RTEL1: variants seen among roughly 807,000 people sequenced by gnomAD.
RTEL1 encodes regulator of telomere length.
In RTEL1, 86 loss-of-function variants were observed where a neutral mutation model predicts 162.2. That is an observed-to-expected ratio of 0.53 (90% confidence interval 0.45 to 0.63). RTEL1 has a LOEUF of 0.63. RTEL1 is among the 30% of genes least tolerant of loss of function. RTEL1 has a pLI of 0.00. For synonymous variants in RTEL1, 958 were observed against 717.9 expected (o/e 1.33, Z -5.35); for missense variants, 1,941 against 1,750.2 (o/e 1.11, Z -1.95).
chr20:63,693,120 G>T (rs1438526587), intron 29 of RTEL1, 23 bp from the exon 30 acceptor site: 5 of 1,612,114 alleles, frequency 3.1e-6, no homozygotes, highest in Non-Finnish European at 4.2e-6. Flanking sequence ...GGCAGATGGG[G>T]ACAGACGCCC....
In RTEL1 at chr20:63,685,857, G is replaced by A. The variant is rs757365506; in HGVS notation, c.1333G>A (p.Ala445Thr). The change falls in exon 16 of 35, where the codon GCA becomes ACA. Residue 445 changes from alanine to threonine, a missense_variant. Transcript: ENST00000360203. ...AQRSDAWSTT[A>T]ARKRGKVLSY... Reference sequence around the variant, plus strand: ...GCGGTCTGATGCCTGGAGCACCACTGCAGCCAGAAAGCGAGGTACAGACCT... The same window carrying A: ...GCGGTCTGATGCCTGGAGCACCACTACAGCCAGAAAGCGAGGTACAGACCT... 9.4e-5 allele frequency: 151 copies of A among 1,612,502 alleles called. No homozygotes were observed. Among genetic ancestry groups the A allele is most frequent in the Non-Finnish European group, 2.5e-5 (30 of 1,179,906 alleles).
chr20:63,676,350 G>A (rs906462887), intron 10 of RTEL1, among the ~76,000 whole-genome samples: 4 of 152,102 alleles, frequency 2.6e-5, no homozygotes, highest in South Asian at 2.1e-4. Context: ...CGAGTTCCCC[G>A]GTTTACTCTG....
At chr20:63,690,477 G>GGGGGGT in intron 26 of RTEL1, 36 bp downstream of exon 26, 1 of 1,509,668 alleles carries the variant, frequency 6.6e-7, no homozygotes, top group Non-Finnish European at 8.9e-7. Context: ...CGGTGTGGGG[G>GGGGGGT]TGGCGGAGCG....
rs753433733 is a variant in RTEL1 at position 63,695,178 on chromosome 20, G to T, written c.3456G>T (p.Arg1152Ser). Residue 1152 changes from arginine (R) to serine (S), a missense_variant, in exon 33 of 35, where the codon AGG becomes AGT. By Grantham distance (110) the Arg-to-Ser change is moderately radical. Transcript: ENST00000360203. ...GMEPPGPQEERLAVPPVLTHR... is the reference protein window; with the variant it reads ...GMEPPGPQEESLAVPPVLTHR... ...AGCCACCGGGACCCCAGGAGGAGAG[G>T]CTTGCCGTGCCTCCTGTGCTTACCC... 9.9e-6 allele frequency: 16 copies of T among 1,612,252 alleles called. No individual in the cohort carries two copies. Among genetic ancestry groups the T allele is most frequent in the Non-Finnish European group, 1.4e-5 (16 of 1,179,824 alleles).
chr20:63,690,153 C>G lies in RTEL1; in HGVS notation c.2208C>G (p.Asp736Glu). The change falls in exon 25 of 35, where the codon GAC (aspartate) becomes GAG (glutamate). Residue 736 changes from aspartate (D) to glutamate (E), a missense_variant. Transcript: ENST00000360203. ...SWVRPHVRVY[D>E]NFGHVIRDVA... is the part of the protein sequence containing the mutation. The stretch of plus-strand genomic sequence containing the variant: ...TGCGTCCCCACGTCAGGGTGTATGA[C>G]AACTTTGGCCATGTCATCCGAGACG... 6.2e-7 allele frequency: 1 copy of G among 1,612,614 alleles called. No homozygotes were observed. Among genetic ancestry groups the G allele is most frequent in the Non-Finnish European group, 8.5e-7 (1 of 1,179,870 alleles).
At position 63,694,722 on chromosome 20, in the gene RTEL1, C is replaced by A; in HGVS notation, c.3110-19C>A. 2 of 1,577,660 alleles carry A rather than the reference C, an allele frequency of 1.3e-6. No individual in the cohort carries two copies. The highest frequency in any genetic ancestry group is 1.7e-5 in the Admixed American group (1 of 57,322). ...CCTCCACCCCAGCGCCACTCTGAGC[C>A]ATGCTACTCCCACACCAGGAGACCC... On this transcript the variant is annotated intron_variant, in intron 31 of 34. Transcript: ENST00000360203.
At chr20:63,676,025 C>T (rs568335374) in intron 10 of RTEL1, among the ~76,000 whole-genome samples, 2 of 152,256 alleles carry the variant, frequency 1.3e-5, no homozygotes, top group East Asian at 3.9e-4. Context: ...GGGTGGGCTT[C>T]TGCCATCTCA....
rs1034493613 is a variant in RTEL1, at chr20:63,696,056, G to A, written c.*198G>A. 1.5e-5 allele frequency: 9 copies of A among 598,832 alleles called. No individual in the cohort carries two copies. In the Admixed American group the frequency reaches 1.8e-4, roughly 12 times the overall value. The allele number at this position is 598,832 out of a possible 1,614,324, so 37.1% of individuals were successfully genotyped here. A position where few individuals can be genotyped will look rare whatever the true frequency, so the allele number is the denominator to read the frequency against. ...TGGGCCTGCCTCTGAGAAGCCCTGA[G>A]CTACCTTGGGGTCTGGGGTGGGTTT... On this transcript the variant is annotated 3_prime_UTR_variant, in exon 35 of 35. Transcript: ENST00000360203.
rs114223294 is a variant in RTEL1 at position 63,694,616 on chromosome 20, G to C, written c.3110-125G>C. On this transcript the variant is annotated intron_variant, in intron 31 of 34. Coordinates refer to ENST00000360203, the MANE Select transcript of RTEL1 (RefSeq NM_001283009.2). ...CCATCTCATGGTGGGGACTGCTCCCGGTTCTGCACCCCGCAGTTGTCCTGA... is the reference window on the plus strand; with the variant it reads ...CCATCTCATGGTGGGGACTGCTCCCCGTTCTGCACCCCGCAGTTGTCCTGA... 904 of 1,210,404 alleles carry C rather than the reference G, an allele frequency of 7.5e-4. 4 individuals are homozygous for C. In the African/African-American group the frequency reaches 0.011, roughly 15 times the overall value. The allele number at this position is 1,210,404 out of a possible 1,614,324, so 75.0% of individuals were successfully genotyped here. A position where few individuals can be genotyped will look rare whatever the true frequency, so the allele number is the denominator to read the frequency against.
At chr20:63,663,336 C>T (rs1003930480) in intron 6 of RTEL1, among the ~76,000 whole-genome samples, 4 of 152,210 alleles carry the variant, frequency 2.6e-5, no homozygotes, top group South Asian at 2.1e-4. Context: ...GACCCTGCCC[C>T]GTGTGTCTTT....
In RTEL1 at chr20:63,660,355, C is replaced by A. The variant is rs186257265; in HGVS notation, c.102+851C>A. Among the ~76,000 whole-genome samples the A allele has an allele frequency of 2.6e-5, 4 of 152,372 alleles. No homozygotes were observed. In the East Asian group the frequency reaches 7.7e-4, roughly 29 times the overall value. On this transcript the variant is annotated intron_variant, in intron 2 of 34. Transcript: ENST00000360203. ...GAGAGAAACCTTGGGCAATACCCGG[C>A]TTTCCAGGGCAGAGGTCCCTGCGGC...
chr20:63,681,950 C>T (rs2090485316), intron 14 of RTEL1: 1 of 985,314 alleles, frequency 1.0e-6, no homozygotes, highest in South Asian at 4.7e-5. Flanking sequence ...GTGGTTGGCT[C>T]TTCAAGCAGG....
Position 63,692,964 on chromosome 20 carries a change from C to G in RTEL1, c.2812C>G (p.Leu938Val), listed in dbSNP as rs763578494. The G allele has an allele frequency of 5.6e-6, 9 of 1,612,544 alleles. No individual in the cohort carries two copies. The Admixed American group carries it at 1.3e-4, about 24-fold the overall frequency. Reference sequence around the variant, plus strand: ...CGCCCTGGCCGCCTGTCTCGGCCCCCTCTTTGCTGAGGACCCCAAGAAGCA... The same window carrying G: ...CGCCCTGGCCGCCTGTCTCGGCCCCGTCTTTGCTGAGGACCCCAAGAAGCA... ...FAALAACLGP[L>V]FAEDPKKHNL... The change falls in exon 29 of 35, where the codon CTC becomes GTC. Residue 938 changes from leucine to valine, a missense_variant. By Grantham distance (32) the Leu-to-Val change is conservative. Coordinates refer to ENST00000360203, the MANE Select transcript of RTEL1 (RefSeq NM_001283009.2).
chr20:63,691,004 G>C, intron 27 of RTEL1, 57 bp downstream of exon 27: 1 of 1,484,894 alleles, frequency 6.7e-7, no homozygotes, highest in South Asian at 1.3e-5. Context: ...AGGCCAACCC[G>C]ACCCCGCCCA....
At chr20:63,662,338 G>A in intron 4 of RTEL1, 1 of 928,140 alleles carries the variant, frequency 1.1e-6, no homozygotes, top group Non-Finnish European at 1.7e-6. Flanking sequence ...CAGTGGCAGG[G>A]TGCTGTGGAA....
rs151214675 is a variant in RTEL1, at chr20:63,661,882, G to A, written c.334G>A (p.Ala112Thr). ...CACGGACATCCCAAAGATTATTTACGCCTCCAGGACCCACTCGCAACTCAC... is the reference window on the plus strand; with the variant it reads ...CACGGACATCCCAAAGATTATTTACACCTCCAGGACCCACTCGCAACTCAC... The part of the protein sequence containing the change: ...CYTDIPKIIY[A>T]SRTHSQLTQV... The change falls in exon 4 of 35, where the codon GCC (alanine) becomes ACC (threonine). Residue 112 changes from alanine (A) to threonine (T), a missense_variant. Transcript: ENST00000360203. This position sits in a 1 kb window ranked among gnomAD's most constrained non-coding sequence, Gnocchi z 5.1. 240 of 1,613,970 alleles carry A rather than the reference G, an allele frequency of 1.5e-4. 3 individuals are homozygous for A. Among genetic ancestry groups the A allele is most frequent in the Middle Eastern group, 6.6e-4 (4 of 6,060 alleles).
At chr20:63,667,352 C>T (rs2090156807) in intron 7 of RTEL1, 117 bp from the exon 8 acceptor site, 1 of 807,606 alleles carries the variant, frequency 1.2e-6, no homozygotes, top group Non-Finnish European at 2.2e-6. Flanking sequence ...GCAGCAGCTT[C>T]CCACCTGGGC....
chr20:63,676,920 C>T (rs186072075), intron 10 of RTEL1, among the ~76,000 whole-genome samples: 246 of 151,370 alleles, frequency 1.6e-3, no homozygotes, highest in African/African-American at 3.8e-3. Flanking sequence ...GGCGACAGAG[C>T]GAGACTCCGT....
At chr20:63,690,495 T>TGGGGGGGGGGTG in intron 26 of RTEL1, 54 bp downstream of exon 26, 4 of 594,916 alleles carry the variant, frequency 6.7e-6, no homozygotes, top group East Asian at 4.2e-5. Flanking sequence ...GCGGGCGGCG[T>TGGGGGGGGGGTG]GGGGCGGGCA....
Sources: gnomAD v4.1 joint callset for allele counts (sites outside exome capture counted in the v4.1 genomes callset) on GRCh38, gnomAD v4.1.1 for gene constraint, Gnocchi (gnomAD v3.1) non-coding constraint, MANE v1.5 for transcripts, NCBI Gene and HGNC (gene_info 2026-07-23, HGNC 2026-07-21) for gene names.